The following DIPK1A variants were observed in gnomAD, a reference collection of about 807,000 sequenced individuals.
The protein encoded by DIPK1A is family with sequence similarity 69 member A.
A neutral mutation model predicts 40.8 loss-of-function variants in DIPK1A; 27 were observed. The observed-to-expected ratio is 0.66, with a 90% confidence interval of 0.49 to 0.91. DIPK1A has a LOEUF of 0.91. Among genes scored for constraint, DIPK1A ranks in the 40% least tolerant of loss-of-function variants. The pLI is 0.00. For missense variants in DIPK1A, 412 were observed against 505.7 expected, an observed-to-expected ratio of 0.81 and a Z score of 1.78; for synonymous variants, 166 against 171.3, an observed-to-expected ratio of 0.97 and a Z score of 0.24.
Position 92,923,933 on chromosome 1 carries a change from T to G in DIPK1A, c.54+37443A>C, listed in dbSNP as rs538380253. 1.1e-3 allele frequency among the ~76,000 whole-genome samples: 169 copies of G among 152,342 alleles called. 1 individual carries two copies. The highest frequency in any genetic ancestry group is 3.9e-3 in the African/African-American group (164 of 41,586). On this transcript the variant is annotated intron_variant, in intron 1 of 4. Coordinates refer to ENST00000370310, the MANE Select transcript of DIPK1A (RefSeq NM_001006605.5). ...AAACTACAATCTCCAGCATATTACTTGAGACTCTTTTCGTTATTAGTCCAT... is the reference window on the plus strand; with the variant it reads ...AAACTACAATCTCCAGCATATTACTGGAGACTCTTTTCGTTATTAGTCCAT...
intron 1 of DIPK1A, among the ~76,000 whole-genome samples, chr1:92,882,279 T>G (rs907421588): frequency 6.6e-6 from 1 of 152,202 alleles, no homozygotes; most frequent in African/African-American, 2.4e-5. Flanking sequence ...TCCCAGCTAC[T>G]TGAGAGGCTG....
At chr1:92,895,142 T>A (rs1432728856) in intron 1 of DIPK1A, among the ~76,000 whole-genome samples, 4 of 151,966 alleles carry the variant, frequency 2.6e-5, no homozygotes, top group Admixed American at 1.3e-4. Flanking sequence ...GAATCCTCCC[T>A]AACTTATTTT....
At chr1:92,850,309 T>C (rs1057387064) in intron 3 of DIPK1A, among the ~76,000 whole-genome samples, 40 of 152,090 alleles carry the variant, frequency 2.6e-4, no homozygotes, top group African/African-American at 9.2e-4. Flanking sequence ...TGAAACAGCA[T>C]CTAACATCAA....
At chr1:92,925,723 G>C (rs4281329) in intron 1 of DIPK1A, among the ~76,000 whole-genome samples, 1 of 152,076 alleles carries the variant, frequency 6.6e-6, no homozygotes, top group Admixed American at 6.6e-5. Context: ...CTTGAACTTC[G>C]GACCTTGTGA....
intron 4 of DIPK1A, among the ~76,000 whole-genome samples, chr1:92,835,847 A>G (rs912099284): frequency 5.9e-5 from 9 of 152,148 alleles, no homozygotes; most frequent in African/African-American, 1.9e-4. Context: ...GTTGATGACA[A>G]CCCACTCATT....
chr1:92,898,284 C>T (rs184897598), intron 1 of DIPK1A, among the ~76,000 whole-genome samples: 35 of 152,110 alleles, frequency 2.3e-4, no homozygotes, highest in Admixed American at 3.3e-4. Flanking sequence ...AAGAGAGCAA[C>T]GGGGGAAGGG....
intron 1 of DIPK1A, among the ~76,000 whole-genome samples, chr1:92,928,917 G>C (rs954784150): frequency 6.6e-6 from 1 of 151,832 alleles, no homozygotes; most frequent in Non-Finnish European, 1.5e-5. Context: ...AGCCAAAACC[G>C]CACCACTGAA....
At chr1:92,882,396 T>A (rs1246899205) in intron 1 of DIPK1A, among the ~76,000 whole-genome samples, 2 of 152,060 alleles carry the variant, frequency 1.3e-5, no homozygotes, top group East Asian at 1.9e-4. Flanking sequence ...CTCAAAAAAA[T>A]AAATAAATAA....
At chr1:92,835,452 A>C (rs1687080759) in intron 4 of DIPK1A, among the ~76,000 whole-genome samples, 2 of 151,572 alleles carry the variant, frequency 1.3e-5, no homozygotes, top group Non-Finnish European at 2.9e-5. Context: ...CAGGAGTTTG[A>C]GACTAGCCTG....
At chr1:92,832,880 A>G (rs924592423) in exon 5 of DIPK1A, 2 of 635,386 alleles carry the variant, frequency 3.1e-6, no homozygotes, top group South Asian at 3.5e-5. Flanking sequence ...TTTGAAAAAC[A>G]TAACATGGGA....
chr1:92,839,031 C>CT (rs35078348), downstream of DIPK1A, among the ~76,000 whole-genome samples: 28,116 of 118,160 alleles, frequency 0.24, 3,829 homozygotes, highest in Middle Eastern at 0.3. Flanking sequence ...AGAGTTGCAG[C>CT]TTTTTTTTTT....
chr1:92,840,732 C>T (rs1399146075), downstream of DIPK1A: 6 of 911,894 alleles, frequency 6.6e-6, no homozygotes, highest in Non-Finnish European at 1.1e-5. Context: ...CAAACTCGAT[C>T]ACTAGCTCTG....
At chr1:92,950,400 T>C (rs1571151670) in intron 1 of DIPK1A, among the ~76,000 whole-genome samples, 1 of 152,150 alleles carries the variant, frequency 6.6e-6, no homozygotes, top group East Asian at 1.9e-4. Flanking sequence ...CTCAGAACTC[T>C]GCATAGACTC....
intron 2 of DIPK1A, among the ~76,000 whole-genome samples, chr1:92,864,557 T>A (rs1647445361): frequency 6.6e-6 from 1 of 152,222 alleles, no homozygotes; most frequent in South Asian, 2.1e-4. Context: ...AATATTCTTC[T>A]CTGCTTCTTT....
chr1:92,844,683 C>T (rs2100708814), intron 4 of DIPK1A, among the ~76,000 whole-genome samples: 1 of 152,306 alleles, frequency 6.6e-6, no homozygotes, highest in Middle Eastern at 3.4e-3. Flanking sequence ...CCTACCTCAG[C>T]CTCCCAAAGT....
At chr1:92,909,813 T>C (rs897350764) in intron 1 of DIPK1A, among the ~76,000 whole-genome samples, 10 of 152,190 alleles carry the variant, frequency 6.6e-5, no homozygotes, top group African/African-American at 2.4e-4. Context: ...TACCAGGGTG[T>C]AGGGGGGAAT....
At position 92,843,319 on chromosome 1, in the gene DIPK1A, T is replaced by A. The variant is rs994034645; in HGVS notation, c.*64A>T. ...GCCGGAATTTGAAGCCATTTTTTTT[T>A]AATGCTCAAAATTGTTCTTTAAAAG... On this transcript the variant is annotated 3_prime_UTR_variant, in exon 5 of 5. Coordinates refer to ENST00000370310, the MANE Select transcript of DIPK1A (RefSeq NM_001006605.5). The A allele has an allele frequency of 3.9e-5, 57 of 1,455,358 alleles. No homozygotes were observed. Among genetic ancestry groups the A allele is most frequent in the Non-Finnish European group, 5.0e-5 (55 of 1,105,548 alleles). The allele number at this position is 1,455,358 out of a possible 1,614,324, so 90.2% of individuals were successfully genotyped here.
intron 1 of DIPK1A, among the ~76,000 whole-genome samples, chr1:92,948,435 A>T (rs1651457289): frequency 2.0e-5 from 3 of 151,690 alleles, no homozygotes; most frequent in South Asian, 4.2e-4. Flanking sequence ...AAACTTTTTT[A>T]AAAAGGTAAT....
intron 2 of DIPK1A, among the ~76,000 whole-genome samples, chr1:92,855,969 C>T (rs913831087): frequency 1.4e-4 from 22 of 151,870 alleles, no homozygotes; most frequent in African/African-American, 5.3e-4. Flanking sequence ...CCTAGCTACT[C>T]GGAAGGCTGA....
Sources: allele counts gnomAD v4.1 joint callset (sites outside exome capture counted in the v4.1 genomes callset), GRCh38; gene constraint gnomAD v4.1.1; transcripts MANE v1.5; gene names NCBI Gene and HGNC (gene_info 2026-07-23, HGNC 2026-07-21).